UNC13C: variants seen among roughly 807,000 people sequenced by gnomAD.
The protein encoded by UNC13C is unc-13 homolog C, also known as protein unc-13 homolog C.
Under a neutral mutation model 245.4 loss-of-function variants are expected in UNC13C, and 174 were observed. That is an observed-to-expected ratio of 0.71 (90% CI 0.63 to 0.80). The LOEUF (loss-of-function observed/expected upper bound fraction) is 0.80, where lower values mean the gene tolerates loss of function less well. Ranked by LOEUF, UNC13C falls within the 30% of genes least tolerant of loss-of-function variation. UNC13C has a pLI of 0.00. For synonymous variants in UNC13C, 992 were observed against 895.1 expected, an observed-to-expected ratio of 1.11 and a Z score of -1.93; for missense variants, 2,829 against 2,602.9, an observed-to-expected ratio of 1.09 and a Z score of -1.89.
At chr15:54,345,974 A>G (rs2038851143) in intron 17 of UNC13C, among the ~76,000 whole-genome samples, 1 of 152,192 alleles carries the variant, frequency 6.6e-6, no homozygotes, top group African/African-American at 2.4e-5. Flanking sequence ...AGCTAACCGC[A>G]GCTCAGCTAA....
intron 8 of UNC13C, among the ~76,000 whole-genome samples, chr15:54,262,201 T>G (rs1251576640): frequency 6.6e-6 from 1 of 152,210 alleles, no homozygotes. Flanking sequence ...CTTCCTGAAT[T>G]TAGAAAAATA....
At chr15:54,399,989 C>T (rs79353490) in intron 18 of UNC13C, among the ~76,000 whole-genome samples, 1 of 151,878 alleles carries the variant, frequency 6.6e-6, no homozygotes, top group Non-Finnish European at 1.5e-5. Flanking sequence ...GCAGTAGAGT[C>T]CTGTATATCC....
rs570767483 is a variant in UNC13C, at chr15:54,460,666, T to C, written c.4934-33942T>C. On this transcript the variant is annotated intron_variant, in intron 19 of 32. Transcript: ENST00000260323. ...AGAGCTCCCAAGAGTTTACGTCCTT[T>C]GTCTTCACAGTTTTCCAGTTGTCTT... is the stretch of plus-strand genomic sequence containing the variant. Among the ~76,000 whole-genome samples, 5 of 152,370 alleles carry C rather than the reference T, an allele frequency of 3.3e-5. No homozygotes were observed. The East Asian group carries it at 7.7e-4, about 24-fold the overall frequency.
At chr15:54,227,335 C>T (rs1032277012) in intron 4 of UNC13C, among the ~76,000 whole-genome samples, 10 of 152,114 alleles carry the variant, frequency 6.6e-5, no homozygotes, top group Non-Finnish European at 1.5e-4. Flanking sequence ...CAGCCCAGTC[C>T]CCAGGCTTCA....
At chr15:54,039,158 C>T (rs961747537) in intron 2 of UNC13C, among the ~76,000 whole-genome samples, 4 of 152,122 alleles carry the variant, frequency 2.6e-5, no homozygotes, top group African/African-American at 9.7e-5. Flanking sequence ...CCAGTCTCAT[C>T]GAGATTGTTT....
intron 17 of UNC13C, among the ~76,000 whole-genome samples, chr15:54,342,318 T>C (rs1198787366): frequency 6.6e-6 from 1 of 152,228 alleles, no homozygotes; most frequent in Non-Finnish European, 1.5e-5. Flanking sequence ...ATGACATATA[T>C]AGCTATTACT....
chr15:53,858,828 G>A, the UNC13C span, among the ~76,000 whole-genome samples: 2 of 152,038 alleles, frequency 1.3e-5, no homozygotes, highest in African/African-American at 2.4e-5. Flanking sequence ...TTAATATTAA[G>A]GAGTCATTTT....
At chr15:54,249,854 G>C (rs74013552) in intron 7 of UNC13C, among the ~76,000 whole-genome samples, 3,840 of 152,188 alleles carry the variant, frequency 0.025, 158 homozygotes, top group African/African-American at 0.088. Flanking sequence ...GGACAAGGGG[G>C]TCAGGAAATA....
Position 54,321,978 on chromosome 15 carries a change from T to C in UNC13C, c.4308T>C (p.Gly1436=), listed in dbSNP as rs762579344. The C allele has an allele frequency of 1.9e-6, 3 of 1,586,440 alleles. No homozygotes were observed. The highest frequency in any genetic ancestry group is 2.6e-6 in the Non-Finnish European group (3 of 1,164,898). Residue 1436 remains glycine, a synonymous_variant, in exon 14 of 33, where the codon GGT becomes GGC. Transcript: ENST00000260323. ...TGTCTTCTAAATACATGTGCCCCGG[T>C]GTCCCTGCCGTCATGAGCACCTTGC... ...SCLSSKYMCP[G]VPAVMSTLLA...
At chr15:54,380,019 T>C (rs2140897502) in intron 17 of UNC13C, among the ~76,000 whole-genome samples, 1 of 152,280 alleles carries the variant, frequency 6.6e-6, no homozygotes, top group African/African-American at 2.4e-5. Flanking sequence ...TCTTAGCATT[T>C]TTCTAGAATA....
intron 10 of UNC13C, among the ~76,000 whole-genome samples, chr15:54,287,914 G>C (rs1361339627): frequency 6.6e-6 from 1 of 152,044 alleles, no homozygotes; most frequent in East Asian, 1.9e-4. Flanking sequence ...TTCAATGTAG[G>C]TAATCTAAAA....
chr15:54,090,452 C>A (rs1477768846), intron 2 of UNC13C, among the ~76,000 whole-genome samples: 2 of 152,114 alleles, frequency 1.3e-5, no homozygotes, highest in African/African-American at 4.8e-5. Context: ...TGCTCATAAT[C>A]CTCACAACCA....
chr15:54,323,701 G>T (rs1484363072), intron 14 of UNC13C, among the ~76,000 whole-genome samples: 1 of 152,002 alleles, frequency 6.6e-6, no homozygotes, highest in Non-Finnish European at 1.5e-5. Flanking sequence ...AAATCCTGTT[G>T]TTACCAAATA....
chr15:54,064,399 T>G (rs1465767947), intron 2 of UNC13C, among the ~76,000 whole-genome samples: 1 of 152,214 alleles, frequency 6.6e-6, no homozygotes, highest in Admixed American at 6.5e-5. Flanking sequence ...TTAAGGTCTT[T>G]CCTCACACAG....
intron 10 of UNC13C, among the ~76,000 whole-genome samples, chr15:54,278,271 A>G (rs1251328948): frequency 6.6e-6 from 1 of 152,120 alleles, no homozygotes; most frequent in East Asian, 1.9e-4. Flanking sequence ...TTAGAACTCC[A>G]AGAAAATTCT....
chr15:53,939,568 C>A, the UNC13C span, among the ~76,000 whole-genome samples: 1 of 152,146 alleles, frequency 6.6e-6, no homozygotes, highest in African/African-American at 2.4e-5. Context: ...CCCTGACAAA[C>A]ATTGATGCAA....
the UNC13C span, among the ~76,000 whole-genome samples, chr15:53,850,711 G>C: frequency 6.6e-6 from 1 of 151,704 alleles, no homozygotes; most frequent in African/African-American, 2.4e-5. Context: ...TTGATGTGTG[G>C]GTTTACCATT....
chr15:54,152,316 G>C (rs1303917541), intron 4 of UNC13C, among the ~76,000 whole-genome samples: 1 of 152,138 alleles, frequency 6.6e-6, no homozygotes, highest in African/African-American at 2.4e-5. Context: ...GAAATTGCTA[G>C]TTAAGAAACC....
At chr15:54,017,477 C>T (rs544590788) in intron 2 of UNC13C, among the ~76,000 whole-genome samples, 1 of 144,628 alleles carries the variant, frequency 6.9e-6, no homozygotes, top group East Asian at 2.0e-4. Flanking sequence ...CTAAGAAGTG[C>T]ATGAGCATGT....
Sources: gnomAD v4.1 joint callset for allele counts (sites outside exome capture counted in the v4.1 genomes callset) on GRCh38, gnomAD v4.1.1 for gene constraint, MANE v1.5 for transcripts, NCBI Gene and HGNC (gene_info 2026-07-23, HGNC 2026-07-21) for gene names.